Variants in RALGPS1 observed in about 807,000 individuals in gnomAD.
RALGPS1 encodes the protein ras-specific guanine nucleotide-releasing factor RalGPS1.
A neutral mutation model predicts 78.8 loss-of-function variants in RALGPS1; 19 were observed. The ratio of observed to expected loss-of-function variants is 0.24; its 90% confidence interval spans 0.17 to 0.35. The LOEUF (loss-of-function observed/expected upper bound fraction) is 0.35. Ranked by LOEUF, RALGPS1 falls within the 10% of genes least tolerant of loss-of-function variation. The pLI is 1.00. For synonymous variants in RALGPS1, 228 were observed against 256.3 expected (o/e 0.89, Z 1.06); for missense variants, 454 against 688.3 (o/e 0.66, Z 3.81).
chr9:126,974,769 G>C (rs1288891675), intron 3 of RALGPS1, among the ~76,000 whole-genome samples: 1 of 152,062 alleles, frequency 6.6e-6, no homozygotes, highest in East Asian at 1.9e-4. Flanking sequence ...TTGCTGCTTG[G>C]AAACGAGAGT....
intron 8 of RALGPS1, among the ~76,000 whole-genome samples, chr9:127,094,943 T>C (rs994879394): frequency 1.3e-5 from 2 of 152,356 alleles, no homozygotes; most frequent in South Asian, 4.1e-4. Flanking sequence ...GTTCCATTGT[T>C]GGTCACATCA....
chr9:127,034,405 G>C (rs1179233163), intron 4 of RALGPS1, 26 bp from the exon 5 acceptor site: 3 of 1,601,434 alleles, frequency 1.9e-6, no homozygotes, highest in Non-Finnish European at 2.6e-6. Flanking sequence ...TAGAATCACT[G>C]TTGAAATTCA....
At chr9:127,040,333 C>T (rs1050519483) in intron 5 of RALGPS1, among the ~76,000 whole-genome samples, 12 of 149,986 alleles carry the variant, frequency 8.0e-5, no homozygotes, top group African/African-American at 7.4e-5. Context: ...CTCGAGGGGG[C>T]GGAGGTTGCA....
chr9:127,117,751 G>A (rs188069622), intron 8 of RALGPS1, among the ~76,000 whole-genome samples: 4 of 152,358 alleles, frequency 2.6e-5, no homozygotes, highest in Admixed American at 2.6e-4. Flanking sequence ...CCCTGAGTGG[G>A]TATTAGAGAT....
intron 1 of RALGPS1, among the ~76,000 whole-genome samples, chr9:126,952,671 G>GTGTGTGTGTGTGTGTC (rs1484357669): frequency 4.7e-5 from 7 of 150,064 alleles, no homozygotes; most frequent in Non-Finnish European, 1.0e-4. Flanking sequence ...GTGTGTGTGT[G>GTGTGTGTGTGTGTGTC]TGTGTGTGTC....
chr9:127,188,848 A>AAAAAAAAAAAAAAAAAAAAAAAAAACAT (rs2060846472), intron 11 of RALGPS1, among the ~76,000 whole-genome samples: 1 of 149,484 alleles, frequency 6.7e-6, no homozygotes, highest in Non-Finnish European at 1.5e-5. Flanking sequence ...AAAAAAAAAA[A>AAAAAAAAAAAAAAAAAAAAAAAAAACAT]ATGTAGCCAG....
chr9:126,925,071 G>A (rs2035138895), intron 1 of RALGPS1, among the ~76,000 whole-genome samples: 1 of 151,850 alleles, frequency 6.6e-6, no homozygotes, highest in African/African-American at 2.4e-5. Flanking sequence ...AGGTTGCGGT[G>A]AGCCGAGATC....
chr9:127,206,542 AC>A (rs1185797926), intron 14 of RALGPS1, among the ~76,000 whole-genome samples: 1 of 151,966 alleles, frequency 6.6e-6, no homozygotes, highest in East Asian at 1.9e-4. Context: ...GGGGGTAACC[AC>A]CCCCATGATT....
intron 8 of RALGPS1, among the ~76,000 whole-genome samples, chr9:127,112,108 A>G (rs1161088193): frequency 6.6e-6 from 1 of 152,156 alleles, no homozygotes; most frequent in Non-Finnish European, 1.5e-5. Flanking sequence ...GCTGTTTTCC[A>G]CTTAAATGAC....
chr9:127,149,991 G>A (rs2058327306), intron 8 of RALGPS1, among the ~76,000 whole-genome samples: 1 of 152,208 alleles, frequency 6.6e-6, no homozygotes, highest in Non-Finnish European at 1.5e-5. Flanking sequence ...GGAAGGGAAG[G>A]CTGAAGCCAT....
chr9:127,167,752 G>A (rs996269057), intron 9 of RALGPS1, among the ~76,000 whole-genome samples: 1 of 152,198 alleles, frequency 6.6e-6, no homozygotes, highest in Non-Finnish European at 1.5e-5. Context: ...GCACCTGGAC[G>A]CACCTCTCCA....
intron 14 of RALGPS1, among the ~76,000 whole-genome samples, chr9:127,200,326 G>A (rs2061566607): frequency 6.6e-6 from 1 of 152,240 alleles, no homozygotes; most frequent in African/African-American, 2.4e-5. Flanking sequence ...CACTGTCCTG[G>A]TGCTTTGCGT....
At chr9:126,976,508 A>T (rs367958104) in intron 3 of RALGPS1, among the ~76,000 whole-genome samples, 1 of 151,974 alleles carries the variant, frequency 6.6e-6, no homozygotes, top group South Asian at 2.1e-4. Context: ...CAGGAACGCT[A>T]CCTCTTGTCT....
chr9:126,990,195 G>C (rs1357579102), intron 4 of RALGPS1: 1 of 639,306 alleles, frequency 1.6e-6, no homozygotes, highest in Admixed American at 3.1e-5. Context: ...TGGTTTCCCT[G>C]ACATCATTAA....
At chr9:127,186,310 A>G (rs1024232798) in intron 11 of RALGPS1, among the ~76,000 whole-genome samples, 1 of 152,214 alleles carries the variant, frequency 6.6e-6, no homozygotes, top group African/African-American at 2.4e-5. Context: ...AAATGGAGCA[A>G]TCCTCTGAGA....
intron 1 of RALGPS1, among the ~76,000 whole-genome samples, chr9:126,946,097 G>C (rs988134227): frequency 6.6e-6 from 1 of 152,210 alleles, no homozygotes; most frequent in Non-Finnish European, 1.5e-5. Flanking sequence ...CTTGGATCAA[G>C]ATGGAGGGAT....
At chr9:127,152,615 G>A (rs545326613) in intron 8 of RALGPS1, among the ~76,000 whole-genome samples, 3 of 152,322 alleles carry the variant, frequency 2.0e-5, no homozygotes, top group East Asian at 1.9e-4. Context: ...GAGAAAAGGT[G>A]TAAATCTGTT....
chr9:127,111,641 A>G (rs763866065), intron 8 of RALGPS1, among the ~76,000 whole-genome samples: 6 of 152,226 alleles, frequency 3.9e-5, no homozygotes, highest in Non-Finnish European at 8.8e-5. Context: ...AAGGTCCGCT[A>G]TATACCTGAC....
intron 1 of RALGPS1, among the ~76,000 whole-genome samples, chr9:126,958,950 C>T (rs2038620854): frequency 6.6e-6 from 1 of 151,720 alleles, no homozygotes; most frequent in African/African-American, 2.4e-5. Context: ...TTGTTGTTTT[C>T]TTTTGTTTTT....
Sources: gnomAD v4.1 joint callset for allele counts (sites outside exome capture counted in the v4.1 genomes callset) on GRCh38, gnomAD v4.1.1 for gene constraint, MANE v1.5 for transcripts, NCBI Gene and HGNC (gene_info 2026-07-23, HGNC 2026-07-21) for gene names.